Variants in BBX observed in about 807,000 individuals in gnomAD.
The protein encoded by BBX is HMG box transcription factor BBX.
In BBX, 30 loss-of-function variants were observed where a neutral mutation model predicts 100.2. The observed-to-expected ratio is 0.30, with a 90% confidence interval of 0.22 to 0.41. The LOEUF (loss-of-function observed/expected upper bound fraction) is 0.41. Among genes scored for constraint, BBX ranks in the 10% least tolerant of loss-of-function variants. BBX has a pLI of 1.00. For missense variants in BBX, 1,023 were observed against 1,129.8 expected, an observed-to-expected ratio of 0.91 and a Z score of 1.35; for synonymous variants, 376 against 388.1, an observed-to-expected ratio of 0.97 and a Z score of 0.37.
chr3:107,692,300 T>C (rs768407374), intron 3 of BBX, among the ~76,000 whole-genome samples: 3 of 152,046 alleles, frequency 2.0e-5, no homozygotes, highest in South Asian at 2.1e-4. Flanking sequence ...ACCTACTAAC[T>C]CGTCATCTAG....
intron 3 of BBX, among the ~76,000 whole-genome samples, chr3:107,678,717 A>T (rs1020857223): frequency 1.3e-5 from 2 of 151,966 alleles, no homozygotes; most frequent in East Asian, 3.9e-4. Flanking sequence ...GAAGGGCAAG[A>T]CCGTTTCTCA....
At chr3:107,795,746 G>T (rs1022645447) in intron 15 of BBX, among the ~76,000 whole-genome samples, 2 of 145,014 alleles carry the variant, frequency 1.4e-5, no homozygotes, top group African/African-American at 5.2e-5. Flanking sequence ...CAGGCTCTTT[G>T]CCTGCTGGTT....
chr3:107,751,286 A>G (rs2107649121), intron 9 of BBX, among the ~76,000 whole-genome samples: 1 of 152,284 alleles, frequency 6.6e-6, no homozygotes, highest in East Asian at 1.9e-4. Flanking sequence ...GTGTTTATGT[A>G]ATCTAGGAAA....
intron 2 of BBX, among the ~76,000 whole-genome samples, chr3:107,558,617 C>G (rs1457460664): frequency 6.6e-6 from 1 of 152,160 alleles, no homozygotes; most frequent in Non-Finnish European, 1.5e-5. Context: ...CAAGTTGGCT[C>G]TCAAGCAGCT....
chr3:107,645,313 T>C (rs1256995593), intron 2 of BBX, among the ~76,000 whole-genome samples: 1 of 152,200 alleles, frequency 6.6e-6, no homozygotes, highest in Non-Finnish European at 1.5e-5. Context: ...AAAATTATTT[T>C]CTATTTGTCC....
chr3:107,524,723 C>A (rs1161506917), intron 1 of BBX, among the ~76,000 whole-genome samples: 1 of 137,540 alleles, frequency 7.3e-6, no homozygotes, highest in Non-Finnish European at 1.5e-5. Flanking sequence ...TGTGTAGGGT[C>A]TAGTCAATAT....
intron 3 of BBX, among the ~76,000 whole-genome samples, chr3:107,689,066 G>A (rs1458221964): frequency 6.6e-6 from 1 of 152,110 alleles, no homozygotes; most frequent in Non-Finnish European, 1.5e-5. Context: ...CCTAGAATCA[G>A]GGCGATCAAG....
Position 107,805,484 on chromosome 3 carries a change from G to GCTTTACCTACTACCCTAGCCTTGT in BBX, c.*35_*58dup. On this transcript the variant is annotated 3_prime_UTR_variant, in exon 18 of 18. Coordinates refer to ENST00000325805, the MANE Select transcript of BBX (RefSeq NM_001142568.3). Reference sequence around the variant, plus strand: ...GCGCCCTTTCATTGTAAAACATTGTGCTTTACCTACTACCCTAGCCTTGTC... The same window carrying GCTTTACCTACTACCCTAGCCTTGT: ...GCGCCCTTTCATTGTAAAACATTGTGCTTTACCTACTACCCTAGCCTTGTCTTTACCTACTACCCTAGCCTTGTC... 2 of 1,614,080 alleles carry GCTTTACCTACTACCCTAGCCTTGT rather than the reference G, an allele frequency of 1.2e-6. No individual in the cohort carries two copies. The highest frequency in any genetic ancestry group is 1.7e-6 in the Non-Finnish European group (2 of 1,179,952).
chr3:107,762,653 G>C (rs186753235), intron 10 of BBX, among the ~76,000 whole-genome samples: 21 of 152,268 alleles, frequency 1.4e-4, no homozygotes, highest in Admixed American at 1.3e-3. Context: ...CATTTGTTTT[G>C]TACTAAAAAG....
intron 17 of BBX, among the ~76,000 whole-genome samples, chr3:107,805,045 C>T (rs2070944529): frequency 1.3e-5 from 2 of 152,100 alleles, no homozygotes; most frequent in African/African-American, 2.4e-5. Context: ...TGCCCCAAAT[C>T]TGTTGGTACT....
intron 3 of BBX, among the ~76,000 whole-genome samples, chr3:107,700,408 CATCATCATTATT>C (rs1363999076): frequency 0.027 from 794 of 29,450 alleles, 30 homozygotes; most frequent in Middle Eastern, 0.059. Context: ...TATTTTCTTT[CATCATCATTATT>C]ATTATTATTA....
chr3:107,637,465 G>A (rs1219191602), intron 2 of BBX, among the ~76,000 whole-genome samples: 3 of 152,186 alleles, frequency 2.0e-5, no homozygotes, highest in Non-Finnish European at 1.5e-5. Flanking sequence ...CAGATCAAAC[G>A]GATTGATCAT....
intron 3 of BBX, among the ~76,000 whole-genome samples, chr3:107,691,410 T>A (rs2060163543): frequency 6.6e-6 from 1 of 152,136 alleles, no homozygotes; most frequent in South Asian, 2.1e-4. Flanking sequence ...AAAAGGAATA[T>A]AAATAACACC....
At chr3:107,690,961 A>G (rs1057283638) in intron 3 of BBX, among the ~76,000 whole-genome samples, 8 of 125,216 alleles carry the variant, frequency 6.4e-5, no homozygotes, top group African/African-American at 2.5e-4. Flanking sequence ...GTGCAATAGC[A>G]TGATCACAGC....
At chr3:107,719,078 A>C (rs920859694) in intron 5 of BBX, among the ~76,000 whole-genome samples, 45 of 152,052 alleles carry the variant, frequency 3.0e-4, no homozygotes, top group African/African-American at 1.0e-3. Flanking sequence ...TCAGTGAACA[A>C]ATACTTAATA....
chr3:107,798,140 C>T (rs1430156836), intron 15 of BBX, among the ~76,000 whole-genome samples: 4 of 152,000 alleles, frequency 2.6e-5, no homozygotes, highest in Non-Finnish European at 2.9e-5. Flanking sequence ...TTTCTTTTAC[C>T]ATCCTCTCTA....
At chr3:107,645,492 AC>A (rs1257076094) in intron 2 of BBX, among the ~76,000 whole-genome samples, 7 of 152,032 alleles carry the variant, frequency 4.6e-5, no homozygotes, top group Non-Finnish European at 5.9e-5. Context: ...TGTCGATTTA[AC>A]CCCATGTTTT....
At chr3:107,593,399 C>G (rs770712805) in intron 2 of BBX, among the ~76,000 whole-genome samples, 8 of 151,652 alleles carry the variant, frequency 5.3e-5, no homozygotes, top group Non-Finnish European at 1.0e-4. Flanking sequence ...AAATCCTAAT[C>G]AATTTTGGTG....
intron 2 of BBX, among the ~76,000 whole-genome samples, chr3:107,589,892 T>G (rs1014662187): frequency 2.0e-5 from 3 of 152,236 alleles, no homozygotes; most frequent in Non-Finnish European, 4.4e-5. Flanking sequence ...GCTAGAGGTT[T>G]CATGCTCTAT....
Sources: gnomAD v4.1 joint callset for allele counts (sites outside exome capture counted in the v4.1 genomes callset) on GRCh38, gnomAD v4.1.1 for gene constraint, MANE v1.5 for transcripts, NCBI Gene and HGNC (gene_info 2026-07-23, HGNC 2026-07-21) for gene names.